The following CNKSR3 variants were observed in gnomAD, a reference collection of about 807,000 sequenced individuals.
CNKSR3 encodes the protein CNKSR family member 3, also known as connector enhancer of kinase suppressor of ras 3.
Under a neutral mutation model 67.7 loss-of-function variants are expected in CNKSR3, and 36 were observed. The observed-to-expected ratio is 0.53, with a 90% confidence interval of 0.41 to 0.70. The LOEUF (loss-of-function observed/expected upper bound fraction) is 0.70. Ranked by LOEUF, CNKSR3 falls within the 30% of genes least tolerant of loss-of-function variation. The pLI, the probability that CNKSR3 is intolerant of heterozygous loss-of-function variation, is 0.00. For missense variants in CNKSR3, 630 were observed against 695.2 expected (o/e 0.91, Z 1.05); for synonymous variants, 281 against 271.4 (o/e 1.04, Z -0.35).
At chr6:154,477,044 T>C (rs370212771) in intron 1 of CNKSR3, among the ~76,000 whole-genome samples, 3 of 152,168 alleles carry the variant, frequency 2.0e-5, no homozygotes, top group Non-Finnish European at 2.9e-5. Context: ...TCTTTTAACT[T>C]TGCAAATAGC....
chr6:154,476,268 C>T (rs1033907815), intron 1 of CNKSR3, among the ~76,000 whole-genome samples: 4 of 151,964 alleles, frequency 2.6e-5, no homozygotes, highest in East Asian at 1.9e-4. Context: ...ACCAGCCTGG[C>T]GAACATGGCG....
chr6:154,447,713 A>C (rs931422538), intron 2 of CNKSR3, among the ~76,000 whole-genome samples: 1 of 151,654 alleles, frequency 6.6e-6, no homozygotes, highest in Non-Finnish European at 1.5e-5. Flanking sequence ...CCCCTTCCTT[A>C]CTTTTAATTA....
rs190215566 is a variant in CNKSR3, at chr6:154,407,327, G to A, written c.1370-675C>T. On this transcript the variant is annotated intron_variant, in intron 12 of 12. Coordinates refer to ENST00000607772, the MANE Select transcript of CNKSR3 (RefSeq NM_173515.4). Reference sequence around the variant, plus strand: ...CCCGAACAAGGAAAAGAGTGATCCTGCCCTAACTGCCAGCAGACCCCCTGG... The same window carrying A: ...CCCGAACAAGGAAAAGAGTGATCCTACCCTAACTGCCAGCAGACCCCCTGG... 4.8e-3 allele frequency among the ~76,000 whole-genome samples: 730 copies of A among 152,240 alleles called. 7 individuals carry two copies. The highest frequency in any genetic ancestry group is 0.017 in the African/African-American group (689 of 41,546).
intron 3 of CNKSR3, 43 bp downstream of exon 3, chr6:154,442,045 T>A (rs771936619): frequency 6.6e-7 from 1 of 1,523,076 alleles, no homozygotes; most frequent in East Asian, 2.3e-5. Context: ...GCTTGGACTC[T>A]ATCTACTCTT....
chr6:154,484,657 G>C (rs1281101111), intron 1 of CNKSR3, among the ~76,000 whole-genome samples: 3 of 136,210 alleles, frequency 2.2e-5, no homozygotes, highest in Non-Finnish European at 3.0e-5. Context: ...AGCTAAGATC[G>C]CATCATTGCA....
At chr6:154,507,948 C>T (rs1333079898) in intron 1 of CNKSR3, among the ~76,000 whole-genome samples, 1 of 151,782 alleles carries the variant, frequency 6.6e-6, no homozygotes, top group African/African-American at 2.4e-5. Context: ...CCAAGAGGGA[C>T]AAAAACAACA....
In CNKSR3 at chr6:154,391,865, T is replaced by G. The variant is rs1469439718; in HGVS notation, c.*14489A>C. The G allele has an allele frequency of 6.6e-6, 1 of 152,188 alleles. No individual in the cohort carries two copies. Among genetic ancestry groups the G allele is most frequent in the African/African-American group, 2.4e-5 (1 of 41,434 alleles). The allele number at this position is 152,188 out of a possible 1,614,324, so 9.4% of individuals were successfully genotyped here. Reference sequence around the variant, plus strand: ...ACATCCTAAACTTGGTCTTTTCACATAAGTGTTGTGTCTAAATTATATATT... The same window carrying G: ...ACATCCTAAACTTGGTCTTTTCACAGAAGTGTTGTGTCTAAATTATATATT... On this transcript the variant is annotated 3_prime_UTR_variant, in exon 13 of 13. Coordinates refer to ENST00000607772, the MANE Select transcript of CNKSR3 (RefSeq NM_173515.4).
At chr6:154,505,496 ATTTTT>A (rs779033286) in intron 1 of CNKSR3, among the ~76,000 whole-genome samples, 9 of 138,846 alleles carry the variant, frequency 6.5e-5, no homozygotes, top group African/African-American at 8.2e-5. Flanking sequence ...TATTATTATT[ATTTTT>A]TTTTTTTTTT....
rs1035476902 is a variant in CNKSR3 at position 154,398,126 on chromosome 6, G to A, written c.*8228C>T. 8.5e-5 allele frequency: 13 copies of A among 152,244 alleles called. No homozygotes were observed. Among genetic ancestry groups the A allele is most frequent in the African/African-American group, 1.2e-4 (5 of 41,458 alleles). The allele number at this position is 152,244 out of a possible 1,614,324, so 9.4% of individuals were successfully genotyped here. On this transcript the variant is annotated 3_prime_UTR_variant, in exon 13 of 13. Coordinates refer to ENST00000607772, the MANE Select transcript of CNKSR3 (RefSeq NM_173515.4). ...AATCACAAGAGCCAAAGCAGGGAAG[G>A]GGCAGGGAAAAAGTGGACACAACCC...
chr6:154,421,455 A>G (rs1486427594), intron 9 of CNKSR3, among the ~76,000 whole-genome samples: 4 of 152,248 alleles, frequency 2.6e-5, no homozygotes, highest in Admixed American at 1.3e-4. Flanking sequence ...ATAGTCACAA[A>G]TAAACCATAA....
rs1031404956 is a variant in CNKSR3, at chr6:154,397,340, A to C, written c.*9014T>G. The C allele has an allele frequency of 1.6e-4, 24 of 152,224 alleles. No individual in the cohort carries two copies. The highest frequency in any genetic ancestry group is 2.2e-4 in the Non-Finnish European group (15 of 68,036). The allele number at this position is 152,224 out of a possible 1,614,324, so 9.4% of individuals were successfully genotyped here. On this transcript the variant is annotated 3_prime_UTR_variant, in exon 13 of 13. Transcript: ENST00000607772. Reference sequence around the variant, plus strand: ...GTTCTTCCATTTATTTAAGTGCCTTAAAAACAAAAGGAGAAGCAAAACCCT... The same window carrying C: ...GTTCTTCCATTTATTTAAGTGCCTTCAAAACAAAAGGAGAAGCAAAACCCT...
chr6:154,413,996 G>C (rs1405795837), intron 10 of CNKSR3, among the ~76,000 whole-genome samples: 3 of 151,930 alleles, frequency 2.0e-5, no homozygotes, highest in Admixed American at 6.6e-5. Context: ...TGATCTGCCC[G>C]CCTCAGCCAC....
chr6:154,489,549 A>C (rs898565477), intron 1 of CNKSR3, among the ~76,000 whole-genome samples: 1 of 152,030 alleles, frequency 6.6e-6, no homozygotes, highest in African/African-American at 2.4e-5. Context: ...CAAACAAACA[A>C]ACAAACAAAC....
intron 1 of CNKSR3, among the ~76,000 whole-genome samples, chr6:154,501,193 A>C (rs1786987644): frequency 6.6e-6 from 1 of 152,172 alleles, no homozygotes; most frequent in Admixed American, 6.5e-5. Context: ...ACCCAACTGT[A>C]ACTAGAACTT....
At chr6:154,442,351 G>T in intron 2 of CNKSR3, 61 bp from the exon 3 acceptor site, 1 of 1,411,662 alleles carries the variant, frequency 7.1e-7, no homozygotes, top group Non-Finnish European at 1.0e-6. Flanking sequence ...GACAGGGCGC[G>T]GTGGCTCACG....
At chr6:154,440,294 G>A (rs1785554416) in intron 4 of CNKSR3, among the ~76,000 whole-genome samples, 1 of 152,198 alleles carries the variant, frequency 6.6e-6, no homozygotes, top group Non-Finnish European at 1.5e-5. Flanking sequence ...GCATGGTCAG[G>A]ACAGAAGGGA....
chr6:154,430,924 A>T (rs554008130), intron 5 of CNKSR3, among the ~76,000 whole-genome samples: 1 of 152,090 alleles, frequency 6.6e-6, no homozygotes, highest in South Asian at 2.1e-4. Context: ...GATTGCTCAC[A>T]GTCTCTGAAT....
At chr6:154,470,686 T>A (rs562524046) in intron 1 of CNKSR3, among the ~76,000 whole-genome samples, 2 of 152,230 alleles carry the variant, frequency 1.3e-5, no homozygotes, top group Non-Finnish European at 2.9e-5. Context: ...ATTCATCAGT[T>A]GATGGACACT....
rs369005792 is a variant in CNKSR3, at chr6:154,428,152, G to C, written c.705C>G (p.His235Gln). The part of the protein sequence containing the change: ...MYIKSTYDGL[H>Q]VITGTTENSP... ...CATTTTCTGTGGTTCCAGTAATCAC[G>C]TGTAACCCATCATAGGTTGATTTGA... The change falls in exon 7 of 13, where the codon CAC becomes CAG. Residue 235 changes from histidine to glutamine, a missense_variant. Physicochemically the swap from His to Gln is conservative, Grantham distance 24. Coordinates refer to ENST00000607772, the MANE Select transcript of CNKSR3 (RefSeq NM_173515.4). 2.5e-6 allele frequency: 4 copies of C among 1,609,310 alleles called. No individual in the cohort carries two copies. The highest frequency in any genetic ancestry group is 3.4e-6 in the Non-Finnish European group (4 of 1,175,712).
Sources: gnomAD v4.1 joint callset for allele counts (sites outside exome capture counted in the v4.1 genomes callset) on GRCh38, gnomAD v4.1.1 for gene constraint, MANE v1.5 for transcripts, NCBI Gene and HGNC (gene_info 2026-07-23, HGNC 2026-07-21) for gene names.